Variants in NT5C2 observed in about 807,000 individuals in gnomAD.
The protein encoded by NT5C2 is cytosolic purine 5'-nucleotidase.
A neutral mutation model predicts 76.1 loss-of-function variants in NT5C2; 58 were observed. The ratio of observed to expected loss-of-function variants is 0.76; its 90% CI spans 0.62 to 0.95. The LOEUF (loss-of-function observed/expected upper bound fraction) is 0.95, where lower values mean the gene tolerates loss of function less well. Ranked by LOEUF, NT5C2 falls within the 40% of genes least tolerant of loss-of-function variation. The pLI is 0.00. For missense variants in NT5C2, 478 were observed against 690.3 expected (o/e 0.69, Z 3.45); for synonymous variants, 229 against 237.4 (o/e 0.96, Z 0.32).
At chr10:103,134,472 G>C (rs2078809899) in intron 4 of NT5C2, among the ~76,000 whole-genome samples, 2 of 152,250 alleles carry the variant, frequency 1.3e-5, no homozygotes, top group Admixed American at 6.5e-5. Context: ...GTGCACAGAA[G>C]TCAAAAATTG....
chr10:103,166,628 A>C (rs1424781960), intron 3 of NT5C2, among the ~76,000 whole-genome samples: 2 of 152,124 alleles, frequency 1.3e-5, no homozygotes, highest in African/African-American at 4.8e-5. Flanking sequence ...AACAAACAAA[A>C]AACAGAGTTT....
chr10:103,119,386 G>A (rs916912641), intron 4 of NT5C2, among the ~76,000 whole-genome samples: 2 of 151,940 alleles, frequency 1.3e-5, no homozygotes, highest in Non-Finnish European at 2.9e-5. Context: ...AAAGTCAGAG[G>A]GTATATACAG....
chr10:103,182,707 C>T (rs1284685848), intron 1 of NT5C2, among the ~76,000 whole-genome samples: 1 of 151,970 alleles, frequency 6.6e-6, no homozygotes, highest in Non-Finnish European at 1.5e-5. Context: ...AGAACACTGC[C>T]CTAAAACTTA....
chr10:103,143,461 T>C (rs1270319675), intron 3 of NT5C2, among the ~76,000 whole-genome samples: 1 of 152,072 alleles, frequency 6.6e-6, no homozygotes, highest in Non-Finnish European at 1.5e-5. Flanking sequence ...GACAGAGTCT[T>C]ACTCTGTTGC....
At chr10:103,184,953 T>C (rs187461154) in intron 1 of NT5C2, among the ~76,000 whole-genome samples, 3 of 152,270 alleles carry the variant, frequency 2.0e-5, no homozygotes, top group Non-Finnish European at 2.9e-5. Flanking sequence ...AAATTGTAAC[T>C]AGAAACTACA....
At chr10:103,157,711 T>G (rs953185504) in intron 3 of NT5C2, among the ~76,000 whole-genome samples, 4 of 151,902 alleles carry the variant, frequency 2.6e-5, no homozygotes, top group African/African-American at 9.7e-5. Context: ...CACAGTAAAT[T>G]TAAAAGGACT....
chr10:103,152,490 A>C (rs2082575637), intron 3 of NT5C2, among the ~76,000 whole-genome samples: 1 of 152,186 alleles, frequency 6.6e-6, no homozygotes, highest in Admixed American at 6.5e-5. Flanking sequence ...GAGGCTCTGG[A>C]ACCACTTCAA....
chr10:103,144,271 G>A (rs998035640), intron 3 of NT5C2, among the ~76,000 whole-genome samples: 2 of 152,166 alleles, frequency 1.3e-5, no homozygotes, highest in African/African-American at 4.8e-5. Context: ...AAGCAGGAAT[G>A]GATTGGGGAT....
chr10:103,098,203 C>G (rs1320273581), intron 10 of NT5C2: 5 of 395,552 alleles, frequency 1.3e-5, no homozygotes, highest in Non-Finnish European at 2.4e-5. Flanking sequence ...CCCATATATT[C>G]TTCCTCCAGT....
intron 4 of NT5C2, among the ~76,000 whole-genome samples, chr10:103,116,058 AAAT>A (rs2074266117): frequency 6.6e-6 from 1 of 152,162 alleles, no homozygotes; most frequent in South Asian, 2.1e-4. Flanking sequence ...ATAGCAGCTA[AAAT>A]AACAAGGACT....
intron 10 of NT5C2, among the ~76,000 whole-genome samples, chr10:103,097,766 A>C (rs11191555): frequency 0.089 from 13,507 of 152,300 alleles, 841 homozygotes; most frequent in East Asian, 0.28. Context: ...AGAGATTATT[A>C]GATATGGCTT....
intron 1 of NT5C2, among the ~76,000 whole-genome samples, chr10:103,185,106 G>C (rs532487859): frequency 1.2e-4 from 18 of 152,212 alleles, no homozygotes; most frequent in African/African-American, 4.3e-4. Context: ...CATTAAGGCT[G>C]CTTCTAACTG....
intron 3 of NT5C2, among the ~76,000 whole-genome samples, chr10:103,148,304 G>A (rs2081841473): frequency 6.6e-6 from 1 of 152,162 alleles, no homozygotes; most frequent in Non-Finnish European, 1.5e-5. Flanking sequence ...ATCAGATTGT[G>A]TCAAGAGAAC....
intron 3 of NT5C2, among the ~76,000 whole-genome samples, chr10:103,145,494 T>C (rs2081321194): frequency 6.6e-6 from 1 of 152,204 alleles, no homozygotes; most frequent in Non-Finnish European, 1.5e-5. Flanking sequence ...GACTGTACCT[T>C]TGCCAATGTC....
chr10:103,094,493 C>G, intron 12 of NT5C2, 38 bp from the exon 13 acceptor site: 1 of 1,071,964 alleles, frequency 9.3e-7, no homozygotes, highest in Non-Finnish European at 1.5e-6. Context: ...AAACATCACT[C>G]CTTACCTTAA....
At chr10:103,090,023 C>A (rs1482925851) in intron 18 of NT5C2, 115 bp from the exon 19 acceptor site, 1 of 711,262 alleles carries the variant, frequency 1.4e-6, no homozygotes, top group African/African-American at 1.8e-5. Context: ...TAATGGACCA[C>A]AGGACAAGTC....
At position 103,097,385 on chromosome 10, in the gene NT5C2, AT is replaced by A. The variant is rs1229743576; in HGVS notation, c.688-12del. ...CAAAGGCAGTTTTCCCTGAAATGTAATTGGATAATGAGTGAAACACGAAAAC... is the reference window on the plus strand; with the variant it reads ...CAAAGGCAGTTTTCCCTGAAATGTAATGGATAATGAGTGAAACACGAAAAC... On this transcript the variant is annotated splice_polypyrimidine_tract_variant and intron_variant, in intron 10 of 18. Coordinates refer to ENST00000404739, the MANE Select transcript of NT5C2 (RefSeq NM_001351169.2). The A allele has an allele frequency of 6.2e-7, 1 of 1,605,604 alleles. No homozygotes were observed. Among genetic ancestry groups the A allele is most frequent in the Non-Finnish European group, 8.5e-7 (1 of 1,172,810 alleles).
chr10:103,185,400 C>T (rs188738212), intron 1 of NT5C2, among the ~76,000 whole-genome samples: 4 of 151,880 alleles, frequency 2.6e-5, no homozygotes, highest in South Asian at 2.1e-4. Context: ...AATCCCACCA[C>T]TCTGGGAGGC....
intron 3 of NT5C2, among the ~76,000 whole-genome samples, chr10:103,163,409 G>GT (rs1411702796): frequency 4.6e-5 from 7 of 152,142 alleles, no homozygotes; most frequent in East Asian, 1.9e-4. Flanking sequence ...TGTATGAGAA[G>GT]TTCCAGTGGC....
Sources: gnomAD v4.1 joint callset for allele counts (sites outside exome capture counted in the v4.1 genomes callset) on GRCh38, gnomAD v4.1.1 for gene constraint, MANE v1.5 for transcripts, NCBI Gene and HGNC (gene_info 2026-07-23, HGNC 2026-07-21) for gene names.